The following NVL variants were observed in gnomAD, a reference collection of about 807,000 sequenced individuals.
NVL encodes nuclear VCP like, also known as nuclear valosin-containing protein-like.
In NVL, 84 loss-of-function variants were observed where a neutral mutation model predicts 110.2. The observed-to-expected ratio is 0.76, with a 90% CI of 0.64 to 0.91. The LOEUF is 0.91. Ranked by LOEUF, NVL falls within the 40% of genes least tolerant of loss-of-function variation. NVL has a pLI of 0.00. For missense variants in NVL, 882 were observed against 1,035.9 expected (o/e 0.85, Z 2.04); for synonymous variants, 354 against 361.1 (o/e 0.98, Z 0.22).
chr1:224,306,149 T>A (rs1462955374), intron 6 of NVL, among the ~76,000 whole-genome samples: 1 of 152,228 alleles, frequency 6.6e-6, no homozygotes, highest in South Asian at 2.1e-4. Flanking sequence ...CCCAGCTACT[T>A]GAGAGGCAGA....
intron 10 of NVL, chr1:224,298,277 G>T: frequency 3.5e-6 from 1 of 286,812 alleles, no homozygotes; most frequent in South Asian, 4.1e-5. Context: ...TGTTCAAAAA[G>T]GAATGTCCCA....
At chr1:224,240,373 C>T (rs1438806028) in intron 19 of NVL, among the ~76,000 whole-genome samples, 3 of 151,776 alleles carry the variant, frequency 2.0e-5, no homozygotes, top group Non-Finnish European at 4.4e-5. Flanking sequence ...CCAGCCAACG[C>T]TGGGTAGTTT....
chr1:224,248,309 G>A (rs972552315), intron 19 of NVL, among the ~76,000 whole-genome samples: 3 of 152,056 alleles, frequency 2.0e-5, no homozygotes, highest in Non-Finnish European at 2.9e-5. Context: ...GCCTTAGTTC[G>A]TTATTTTTTC....
Position 224,227,440 on chromosome 1 carries a change from T to C in NVL, c.*186A>G. On this transcript the variant is annotated 3_prime_UTR_variant, in exon 23 of 23. Coordinates refer to ENST00000281701, the MANE Select transcript of NVL (RefSeq NM_002533.4). ...TTTTCTTAAAGAGGAAGAAGGCATT[T>C]TCACACAAGGCTGGCCAGATGGGAA... The C allele has an allele frequency of 2.5e-6, 1 of 401,382 alleles. No individual in the cohort carries two copies. The highest frequency in any genetic ancestry group is 2.1e-5 in the African/African-American group (1 of 48,420). 24.9% of individuals were successfully genotyped at this position (401,382 alleles called of 1,614,324 possible).
At chr1:224,256,627 A>T (rs565585173) in intron 18 of NVL, among the ~76,000 whole-genome samples, 1 of 152,288 alleles carries the variant, frequency 6.6e-6, no homozygotes, top group South Asian at 2.1e-4. Flanking sequence ...AGTTATTTAC[A>T]GTAAAAGGCA....
chr1:224,328,272 C>A (rs189452304), intron 1 of NVL, among the ~76,000 whole-genome samples: 343 of 152,216 alleles, frequency 2.3e-3, no homozygotes, highest in Non-Finnish European at 4.0e-3. Flanking sequence ...GTAATCCCAG[C>A]ACTTTGGGAG....
intron 12 of NVL, among the ~76,000 whole-genome samples, chr1:224,291,227 C>T (rs1167585582): frequency 3.9e-5 from 6 of 151,956 alleles, no homozygotes; most frequent in Non-Finnish European, 7.4e-5. Flanking sequence ...TTTTCTGAGA[C>T]GGAGTTTTGC....
chr1:224,310,287 T>C (rs181503568), intron 5 of NVL, among the ~76,000 whole-genome samples: 1 of 152,198 alleles, frequency 6.6e-6, no homozygotes, highest in Non-Finnish European at 1.5e-5. Flanking sequence ...TACAAGAGGA[T>C]GTATATAACG....
At chr1:224,244,766 C>T (rs1370026204) in intron 19 of NVL, among the ~76,000 whole-genome samples, 4 of 151,876 alleles carry the variant, frequency 2.6e-5, no homozygotes, top group African/African-American at 9.7e-5. Context: ...CGGCTCACTG[C>T]AATCCCTGCC....
chr1:224,250,362 T>C, intron 18 of NVL, 44 bp from the exon 19 acceptor site: 4 of 1,422,764 alleles, frequency 2.8e-6, no homozygotes, highest in African/African-American at 1.5e-5. Context: ...AAACCTTTTA[T>C]TTTTATTTTT....
intron 12 of NVL, among the ~76,000 whole-genome samples, chr1:224,292,718 C>G (rs1667488916): frequency 6.6e-6 from 1 of 152,088 alleles, no homozygotes; most frequent in South Asian, 2.1e-4. Flanking sequence ...TGGACCTCAC[C>G]AGGATCTTCA....
At chr1:224,296,098 T>A (rs1468119388) in intron 11 of NVL, among the ~76,000 whole-genome samples, 1 of 151,856 alleles carries the variant, frequency 6.6e-6, no homozygotes, top group Non-Finnish European at 1.5e-5. Flanking sequence ...GCCACTGCAT[T>A]CCAGCCTGGG....
intron 4 of NVL, among the ~76,000 whole-genome samples, chr1:224,316,521 A>G (rs187589364): frequency 4.0e-5 from 6 of 151,760 alleles, no homozygotes; most frequent in African/African-American, 1.4e-4. Context: ...CCCCATTTCT[A>G]CGAAAAATTA....
rs750507742 is a variant in NVL at position 224,330,074 on chromosome 1, G to A, written c.54C>T (p.Ile18=). Reference sequence around the variant, plus strand: ...CCAAGCGGTGCAGAATACACACCTGGATGACTCGCTGCTTGAGTTTATTAT... The same window carrying A: ...CCAAGCGGTGCAGAATACACACCTGAATGACTCGCTGCTTGAGTTTATTAT... ...FVDNKLKQRV[I]QYLTSNKCGK... Residue 18 remains isoleucine (I), a synonymous_variant, in exon 1 of 23, where the codon ATC becomes ATT. Transcript: ENST00000281701. The A allele has an allele frequency of 6.2e-7, 1 of 1,614,102 alleles. No homozygotes were observed. The highest frequency in any genetic ancestry group is 8.5e-7 in the Non-Finnish European group (1 of 1,179,976).
chr1:224,300,569 TG>T lies in NVL; in HGVS notation c.1054del (p.Gln352LysfsTer34). 6.2e-7 allele frequency: 1 copy of T among 1,613,136 alleles called. No homozygotes were observed. Among genetic ancestry groups the T allele is most frequent in the Non-Finnish European group, 8.5e-7 (1 of 1,179,276 alleles). On this transcript the variant is annotated frameshift_variant, in exon 10 of 23. Transcript: ENST00000281701. LOFTEE classifies it high-confidence loss of function. The part of the protein sequence containing the change: ...SEQKLRELFE[Q>X]AVSNAPCIIF... ...AGTCATTAACTGACTCACCACAGCTTGCTCAAATAGTTCTCTCAGCTTCTGC... is the reference window on the plus strand; with the variant it reads ...AGTCATTAACTGACTCACCACAGCTTCTCAAATAGTTCTCTCAGCTTCTGC...
chr1:224,250,900 G>A (rs1039022837), intron 18 of NVL, among the ~76,000 whole-genome samples: 2 of 152,066 alleles, frequency 1.3e-5, no homozygotes, highest in African/African-American at 2.4e-5. Context: ...CAAGCAATCC[G>A]CCCTTCTCGG....
intron 19 of NVL, among the ~76,000 whole-genome samples, chr1:224,245,904 A>G (rs1298352634): frequency 6.6e-6 from 1 of 151,624 alleles, no homozygotes; most frequent in East Asian, 2.0e-4. Context: ...GGTGTGAGCC[A>G]CCATGCCCGG....
Position 224,305,047 on chromosome 1 carries a change from G to A in NVL, c.735C>T (p.Val245=), listed in dbSNP as rs761763021. The change falls in exon 7 of 23, where the codon GTC becomes GTT. Residue 245 remains valine (V), a synonymous_variant. Transcript: ENST00000281701. ...CTCACACCTTACCTTTCTTTTGCAG[G>A]ACAGCTTCAATTTCTCCATCTACTT... ...LQEVDGEIEA[V]LQKKAKARGL... 1 of 1,613,138 alleles carries A rather than the reference G, an allele frequency of 6.2e-7. No homozygotes were observed. Among genetic ancestry groups the A allele is most frequent in the African/African-American group, 1.3e-5 (1 of 74,874 alleles).
chr1:224,310,142 G>T (rs1412508305), intron 5 of NVL, among the ~76,000 whole-genome samples: 1 of 141,332 alleles, frequency 7.1e-6, no homozygotes, highest in Non-Finnish European at 1.5e-5. Context: ...TCACACCACT[G>T]CACTTCAGCC....
Sources: gnomAD v4.1 joint callset for allele counts (sites outside exome capture counted in the v4.1 genomes callset) on GRCh38, gnomAD v4.1.1 for gene constraint, MANE v1.5 for transcripts, NCBI Gene and HGNC (gene_info 2026-07-23, HGNC 2026-07-21) for gene names.